Variants in PLEKHN1 observed in about 807,000 individuals in gnomAD.
The protein encoded by PLEKHN1 is pleckstrin homology domain-containing family N member 1.
A neutral mutation model predicts 72.8 loss-of-function variants in PLEKHN1; 68 were observed. The ratio of observed to expected loss-of-function variants is 0.93; its 90% CI spans 0.77 to 1.14. The LOEUF (loss-of-function observed/expected upper bound fraction) is 1.14. Among genes scored for constraint, PLEKHN1 ranks in the 50% most tolerant of loss-of-function variants. The pLI, the probability that PLEKHN1 is intolerant of heterozygous loss-of-function variation, is 0.00. For synonymous variants in PLEKHN1, 454 were observed against 371.6 expected (o/e 1.22, Z -2.55); for missense variants, 1,015 against 840.5 (o/e 1.21, Z -2.57).
intron 12 of PLEKHN1, 54 bp from the exon 13 acceptor site, chr1:973,446 T>C: frequency 1.9e-6 from 3 of 1,596,292 alleles, no homozygotes; most frequent in Non-Finnish European, 2.6e-6. Context: ...AGAGAAGGGG[T>C]GGCCTAGGCT....
intron 2 of PLEKHN1, among the ~76,000 whole-genome samples, chr1:967,311 G>T (rs1403072791): frequency 3.3e-5 from 5 of 152,180 alleles, no homozygotes; most frequent in Non-Finnish European, 7.3e-5. Flanking sequence ...GCAGCAAGGA[G>T]GTGTCTCCCA....
intron 2 of PLEKHN1, among the ~76,000 whole-genome samples, chr1:968,772 G>A (rs975429671): frequency 1.1e-4 from 17 of 152,206 alleles, no homozygotes; most frequent in Admixed American, 7.2e-4. Flanking sequence ...GCTGCAAAGC[G>A]GGTAAGGAGG....
At chr1:969,640 A>G (rs561810608) in intron 2 of PLEKHN1, among the ~76,000 whole-genome samples, 4,775 of 142,522 alleles carry the variant, frequency 0.034, 251 homozygotes, top group African/African-American at 0.13. Context: ...GCAACTGTGT[A>G]TGTGTGCACG....
chr1:973,840 G>A lies in PLEKHN1; in HGVS notation c.1442G>A (p.Ser481Asn), dbSNP rs201788731. Residue 481 changes from serine (S) to asparagine (N), a missense_variant, in exon 14 of 16, where the codon AGT (serine) becomes AAT (asparagine). Ser to Asn is a conservative substitution (Grantham distance 46). Transcript: ENST00000379410. Reference protein sequence around the residue: ...TDVRGLEEFLSAMQSARGPTP... With the variant: ...TDVRGLEEFLNAMQSARGPTP... ...CCCTGGCTCTCCCTGCAGTTCCTCAGTGCCATGCAGAGTGCACGTGGACCC... is the reference window on the plus strand; with the variant it reads ...CCCTGGCTCTCCCTGCAGTTCCTCAATGCCATGCAGAGTGCACGTGGACCC... 3.1e-6 allele frequency: 5 copies of A among 1,609,554 alleles called. No homozygotes were observed. The African/African-American group carries it at 6.7e-5, about 22-fold the overall frequency.
rs768297627 is a variant in PLEKHN1 at position 970,473 on chromosome 1, G to T, written c.331-48G>T. 1.2e-6 allele frequency: 2 copies of T among 1,613,100 alleles called. No homozygotes were observed. Among genetic ancestry groups the T allele is most frequent in the African/African-American group, 1.3e-5 (1 of 75,018 alleles). ...CGCTAAGGGTGCAGCATCCCCATCA[G>T]CCTGGGGCTCCCCAGACTCCGCACT... is the stretch of plus-strand genomic sequence containing the variant. On this transcript the variant is annotated intron_variant, in intron 3 of 15. Coordinates refer to ENST00000379410, the MANE Select transcript of PLEKHN1 (RefSeq NM_032129.3). The surrounding 1 kb of genome is among the most constrained non-coding windows in gnomAD (Gnocchi z 4.2).
chr1:974,429 C>T lies in PLEKHN1; in HGVS notation c.1703-13C>T. On this transcript the variant is annotated splice_polypyrimidine_tract_variant and intron_variant, in intron 15 of 15. Coordinates refer to ENST00000379410, the MANE Select transcript of PLEKHN1 (RefSeq NM_032129.3). ...CCTCCCACAGGCTGACACATCTCTG[C>T]CTTCCCTACCAGATGGTCGGTCCCC... The T allele has an allele frequency of 6.2e-7, 1 of 1,612,936 alleles. No homozygotes were observed. Among genetic ancestry groups the T allele is most frequent in the African/African-American group, 1.3e-5 (1 of 75,056 alleles).
At chr1:969,908 C>T (rs1314749650) in intron 2 of PLEKHN1, among the ~76,000 whole-genome samples, 3 of 152,098 alleles carry the variant, frequency 2.0e-5, no homozygotes, top group African/African-American at 4.8e-5. Flanking sequence ...TATGTATGCA[C>T]GTGTGTGTAA....
chr1:969,781 G>A (rs1385941877), intron 2 of PLEKHN1, among the ~76,000 whole-genome samples: 4 of 136,324 alleles, frequency 2.9e-5, no homozygotes, highest in African/African-American at 7.4e-5. Context: ...GCATGTGTGC[G>A]TGTATGCATT....
At position 974,505 on chromosome 1, in the gene PLEKHN1, C is replaced by G. The variant is rs772401057; in HGVS notation, c.1766C>G (p.Ser589Cys). 6.2e-7 allele frequency: 1 copy of G among 1,612,682 alleles called. No homozygotes were observed. Among genetic ancestry groups the G allele is most frequent in the Non-Finnish European group, 8.5e-7 (1 of 1,179,890 alleles). The stretch of plus-strand genomic sequence containing the variant: ...GACCACCTCTGGGACGAGACTTTGT[C>G]TTCCTCCCACCAGAAGTGCCCCCAG... Reference protein sequence around the residue: ...GYDHLWDETLSSSHQKCPQLG... With the variant: ...GYDHLWDETLCSSHQKCPQLG... The change falls in exon 16 of 16, where the codon TCT becomes TGT. Residue 589 changes from serine (S) to cysteine (C), a missense_variant. Physicochemically the swap from Ser to Cys is moderately radical, Grantham distance 112. Transcript: ENST00000379410.
chr1:969,689 T>C (rs973084448), intron 2 of PLEKHN1, among the ~76,000 whole-genome samples: 2 of 152,250 alleles, frequency 1.3e-5, no homozygotes, highest in Middle Eastern at 6.8e-3. Flanking sequence ...TGTACATGTG[T>C]GTATAAGTGC....
rs1643574631 is a variant in PLEKHN1 at position 975,693 on chromosome 1, C to T, written c.*1118C>T. The T allele has an allele frequency of 6.3e-6, 1 of 159,036 alleles. No individual in the cohort carries two copies. The highest frequency in any genetic ancestry group is 1.4e-5 in the Non-Finnish European group (1 of 72,554). 9.9% of individuals were successfully genotyped at this position (159,036 alleles called of 1,614,324 possible). Reference sequence around the variant, plus strand: ...CCTCTTTGAGGCCACCCTGTGTCCTCTCCCCTGCCTCTGCCCAGAGCTCCA... The same window carrying T: ...CCTCTTTGAGGCCACCCTGTGTCCTTTCCCCTGCCTCTGCCCAGAGCTCCA... On this transcript the variant is annotated 3_prime_UTR_variant, in exon 16 of 16. Transcript: ENST00000379410.
rs372134828 is a variant in PLEKHN1, at chr1:970,724, C to G, written c.450C>G (p.Leu150=). 11 of 1,603,450 alleles carry G rather than the reference C, an allele frequency of 6.9e-6. No individual in the cohort carries two copies. Among genetic ancestry groups the G allele is most frequent in the African/African-American group, 2.7e-5 (2 of 74,788 alleles). ...LPLTELSVCP[L]EGSREHAFQI... The stretch of plus-strand genomic sequence containing the variant: ...TGACGGAGCTGAGTGTCTGCCCGCT[C>G]GAGGGGTCCCGAGAGCACGCCTTCC... The change falls in exon 5 of 16, where the codon CTC becomes CTG. Residue 150 remains leucine (L), a synonymous_variant. Transcript: ENST00000379410. The surrounding 1 kb of genome is among the most constrained non-coding windows in gnomAD (Gnocchi z 4.2).
At chr1:972,457 C>T in intron 10 of PLEKHN1, 33 bp downstream of exon 10, 1 of 1,524,642 alleles carries the variant, frequency 6.6e-7, no homozygotes, top group Non-Finnish European at 8.8e-7. Context: ...AGCCCAGGTC[C>T]TGGGCAGTGG....
At chr1:969,402 T>C (rs908757956) in intron 2 of PLEKHN1, among the ~76,000 whole-genome samples, 4 of 152,174 alleles carry the variant, frequency 2.6e-5, no homozygotes, top group Admixed American at 2.0e-4. Context: ...TGTGTGTATA[T>C]GCACAGGTGT....
Position 973,940 on chromosome 1 carries a change from C to T in PLEKHN1, c.1542C>T (p.Pro514=), listed in dbSNP as rs144710974. Residue 514 remains proline, a synonymous_variant, in exon 14 of 16, where the codon CCC becomes CCT. Transcript: ENST00000379410. ...ASDPRSCSSG[P]AGPYLLSKKG... ...ACCCTCGCTCCTGCTCCTCCGGCCC[C>T]GCTGGCCCCTACTTGCTCTCCAAGA... The T allele has an allele frequency of 3.8e-4, 616 of 1,611,092 alleles. 4 individuals are homozygous for T. In the African/African-American group the frequency reaches 5.7e-3, roughly 15 times the overall value.
At position 971,937 on chromosome 1, in the gene PLEKHN1, C is replaced by T. The variant is rs1357352169; in HGVS notation, c.790-138C>T. On this transcript the variant is annotated intron_variant, in intron 8 of 15. Transcript: ENST00000379410. ...CCCAGGAGACATGGGACCCACTGGC[C>T]TCCCTCAGGGTGGTGGCCTCGGTGC... is the stretch of plus-strand genomic sequence containing the variant. The T allele has an allele frequency of 1.9e-5, 15 of 802,700 alleles. No homozygotes were observed. In the South Asian group the frequency reaches 2.6e-4, roughly 14 times the overall value. The allele number at this position is 802,700 out of a possible 1,614,324, so 49.7% of individuals were successfully genotyped here.
chr1:966,621 G>A lies in PLEKHN1; in HGVS notation c.83+7G>A, dbSNP rs755245096. Reference sequence around the variant, plus strand: ...CCTCGCTGAAGGGAAACAGGTGAGCGGGGCGTGGGTGCGGCCACCTGGGCG... The same window carrying A: ...CCTCGCTGAAGGGAAACAGGTGAGCAGGGCGTGGGTGCGGCCACCTGGGCG... On this transcript the variant is annotated splice_region_variant and intron_variant, in intron 1 of 15. Transcript: ENST00000379410. The A allele has an allele frequency of 6.8e-6, 11 of 1,606,474 alleles. No individual in the cohort carries two copies. The highest frequency in any genetic ancestry group is 4.0e-5 in the African/African-American group (3 of 74,782).
At chr1:966,662 C>A (rs368915947) in intron 1 of PLEKHN1, 42 bp from the exon 2 acceptor site, 2 of 1,584,402 alleles carry the variant, frequency 1.3e-6, no homozygotes, top group East Asian at 4.6e-5. Context: ...CTCCCCCACC[C>A]GCTCCGGGGC....
chr1:973,633 TGGA>T lies in PLEKHN1; in HGVS notation c.1433_1434+1del, dbSNP rs779333274. 21 of 1,612,422 alleles carry T rather than the reference TGGA, an allele frequency of 1.3e-5. No homozygotes were observed. The African/African-American group carries it at 2.8e-4, about 22-fold the overall frequency. On this transcript the variant is annotated inframe_deletion, in exon 13 of 16. Transcript: ENST00000379410. The stretch of plus-strand genomic sequence containing the variant: ...CGCAGGGTCACAGATGTCCGGGGCC[TGGA>T]GGAGGTCAGGCCCCTGCTGGGTGAC...
Sources: gnomAD v4.1 joint callset for allele counts (sites outside exome capture counted in the v4.1 genomes callset) on GRCh38, gnomAD v4.1.1 for gene constraint, Gnocchi (gnomAD v3.1) non-coding constraint, MANE v1.5 for transcripts, NCBI Gene and HGNC (gene_info 2026-07-23, HGNC 2026-07-21) for gene names.